Variants in SMC6 observed in about 807,000 individuals in gnomAD.
SMC6 encodes structural maintenance of chromosomes protein 6.
Under a neutral mutation model 142.2 loss-of-function variants are expected in SMC6, and 79 were observed. The observed-to-expected ratio is 0.56, with a 90% CI of 0.46 to 0.67. The LOEUF is 0.67. SMC6 is among the 30% of genes least tolerant of loss of function. The pLI, the probability that SMC6 is intolerant of heterozygous loss-of-function variation, is 0.00. For missense variants in SMC6, 1,072 were observed against 1,284.0 expected (o/e 0.83, Z 2.52); for synonymous variants, 411 against 412.4 (o/e 1.00, Z 0.04).
rs376284298 is a variant in SMC6 at position 17,745,858 on chromosome 2, C to T, written c.89G>A (p.Gly30Asp). The T allele has an allele frequency of 6.2e-7, 1 of 1,612,024 alleles. No homozygotes were observed. Among genetic ancestry groups the T allele is most frequent in the African/African-American group, 1.3e-5 (1 of 74,830 alleles). Residue 30 changes from glycine to aspartate, a missense_variant, in exon 3 of 28, where the codon GGT (glycine) becomes GAT (aspartate). Gly to Asp is a moderately conservative substitution (Grantham distance 94, BLOSUM62 -1). Around this residue, in one of 3 missense-constraint regions of SMC6, gnomAD observed 994 missense variants for 1,153.2 expected, o/e 0.86. Transcript: ENST00000448223. ...AGTACCTTTACATTCGTCTTCGTCACCATCTTTATCAAAATCCTCCAATTC... is the reference window on the plus strand; with the variant it reads ...AGTACCTTTACATTCGTCTTCGTCATCATCTTTATCAAAATCCTCCAATTC... ...QEELEDFDKDGDEDECKGTTL... is the reference protein window; with the variant it reads ...QEELEDFDKDDDEDECKGTTL...
Position 17,716,831 on chromosome 2 carries a change from G to T in SMC6, c.1256C>A (p.Ala419Asp). The change falls in exon 14 of 28, where the codon GCC becomes GAC. Residue 419 changes from alanine to aspartate, a missense_variant. Around this residue, in one of 3 missense-constraint regions of SMC6, gnomAD observed 994 missense variants for 1,153.2 expected, o/e 0.86. Transcript: ENST00000448223. ...KISWLKERVK[A>D]FQNQENSVNQ... ...GACTGAATTTTCTTGATTTTGAAAGGCCTTTACTCTCTCTTTTAACCAAGA... is the reference window on the plus strand; with the variant it reads ...GACTGAATTTTCTTGATTTTGAAAGTCCTTTACTCTCTCTTTTAACCAAGA... 6.2e-7 allele frequency: 1 copy of T among 1,613,228 alleles called. No homozygotes were observed. The highest frequency in any genetic ancestry group is 8.5e-7 in the Non-Finnish European group (1 of 1,179,652).
intron 7 of SMC6, among the ~76,000 whole-genome samples, 155 bp downstream of exon 7, chr2:17,730,923 A>T (rs1347448094): frequency 6.6e-6 from 1 of 151,996 alleles, no homozygotes; most frequent in Non-Finnish European, 1.5e-5. Flanking sequence ...CGAATTAGTA[A>T]ATTTTAAACA....
intron 9 of SMC6, among the ~76,000 whole-genome samples, chr2:17,722,686 C>CG (rs1669432655): frequency 1.3e-5 from 2 of 152,142 alleles, no homozygotes; most frequent in South Asian, 4.1e-4. Context: ...CATGTAGTGT[C>CG]GGACCACATG....
intron 11 of SMC6, 127 bp from the exon 12 acceptor site, chr2:17,718,350 TA>T: frequency 1.9e-6 from 1 of 534,688 alleles, no homozygotes. Flanking sequence ...CAAATAAACA[TA>T]ACATAACATT....
At chr2:17,739,261 C>T (rs570715774) in intron 4 of SMC6, among the ~76,000 whole-genome samples, 6 of 152,050 alleles carry the variant, frequency 3.9e-5, no homozygotes, top group East Asian at 3.9e-4. Flanking sequence ...GTAATCCCAG[C>T]GTTTTGGGAG....
At chr2:17,713,384 C>T (rs1378465336) in intron 16 of SMC6, 1 of 444,914 alleles carries the variant, frequency 2.2e-6, no homozygotes, top group Non-Finnish European at 4.6e-6. Flanking sequence ...CATAAACTCA[C>T]CTACTTCCAA....
chr2:17,688,437 T>C (rs995675566), intron 23 of SMC6, among the ~76,000 whole-genome samples: 3 of 151,966 alleles, frequency 2.0e-5, no homozygotes, highest in Non-Finnish European at 2.9e-5. Context: ...CAGTGGCTCA[T>C]GCCTGTAATC....
intron 26 of SMC6, among the ~76,000 whole-genome samples, chr2:17,669,170 T>C (rs1355312297): frequency 1.3e-5 from 2 of 152,050 alleles, no homozygotes; most frequent in African/African-American, 4.8e-5. Context: ...ATGTCAAAGG[T>C]AGGTGACTGC....
intron 27 of SMC6, 85 bp downstream of exon 27, chr2:17,666,335 T>C: frequency 1.0e-6 from 1 of 971,686 alleles, no homozygotes; most frequent in Non-Finnish European, 1.6e-6. Flanking sequence ...TTGTATGTAT[T>C]TGTATTTTAA....
At position 17,716,787 on chromosome 2, in the gene SMC6, A is replaced by G; in HGVS notation, c.1300T>C (p.Phe434Leu). The G allele has an allele frequency of 6.2e-7, 1 of 1,613,438 alleles. No homozygotes were observed. The highest frequency in any genetic ancestry group is 8.5e-7 in the Non-Finnish European group (1 of 1,179,754). Residue 434 changes from phenylalanine to leucine, a missense_variant, in exon 14 of 28, where the codon TTT becomes CTT. Phe to Leu is a conservative substitution (Grantham distance 22). Transcript: ENST00000448223. ...ENSVNQEIEQ[F>L]QQAIEKDKEE... The stretch of plus-strand genomic sequence containing the variant: ...TTGTCCTTTTCTATGGCTTGCTGAA[A>G]CTGTTCGATCTCTTGATTGACTGAA...
intron 5 of SMC6, among the ~76,000 whole-genome samples, chr2:17,736,694 G>A (rs1163901607): frequency 6.7e-6 from 1 of 150,298 alleles, no homozygotes; most frequent in Non-Finnish European, 1.5e-5. Flanking sequence ...TCGAGGCCAG[G>A]CCCCTTCGCT....
At chr2:17,679,035 T>A in intron 24 of SMC6, 71 bp from the exon 25 acceptor site, 1 of 1,014,918 alleles carries the variant, frequency 9.9e-7, no homozygotes, top group Non-Finnish European at 1.5e-6. Context: ...CAGCATGATC[T>A]AAGCATGTGA....
intron 16 of SMC6, among the ~76,000 whole-genome samples, chr2:17,709,694 A>C (rs1412652476): frequency 1.3e-5 from 2 of 152,132 alleles, no homozygotes; most frequent in Non-Finnish European, 2.9e-5. Context: ...TGGAGCTTAC[A>C]TTTTTTTGAA....
intron 4 of SMC6, among the ~76,000 whole-genome samples, chr2:17,738,966 T>C (rs75036659): frequency 6.6e-6 from 1 of 151,970 alleles, no homozygotes; most frequent in South Asian, 2.1e-4. Flanking sequence ...ACTGTTAACA[T>C]CCCTCAAAAG....
At chr2:17,699,590 T>C (rs1021366462) in intron 21 of SMC6, among the ~76,000 whole-genome samples, 1 of 152,168 alleles carries the variant, frequency 6.6e-6, no homozygotes, top group Non-Finnish European at 1.5e-5. Flanking sequence ...ATGTCAGCTA[T>C]TCTGTTATAG....
chr2:17,693,677 T>C (rs752027609), intron 23 of SMC6, among the ~76,000 whole-genome samples: 22 of 151,430 alleles, frequency 1.5e-4, no homozygotes, highest in Middle Eastern at 6.8e-3. Flanking sequence ...ACCCTAAAAG[T>C]ATAATAATAA....
chr2:17,708,656 T>C lies in SMC6; in HGVS notation c.1828A>G (p.Thr610Ala), dbSNP rs755602821. ...NSLIDMRGIE[T>A]VLLIKNNSVA... ...GGTCTTACTTTGATTAGTAGCACTGTCTCTATGCCTCTCATGTCAATTAGG... is the reference window on the plus strand; with the variant it reads ...GGTCTTACTTTGATTAGTAGCACTGCCTCTATGCCTCTCATGTCAATTAGG... Residue 610 changes from threonine to alanine, a missense_variant, in exon 17 of 28, where the codon ACA becomes GCA. Around this residue, in one of 3 missense-constraint regions of SMC6, gnomAD observed 994 missense variants for 1,153.2 expected, o/e 0.86. Coordinates refer to ENST00000448223, the MANE Select transcript of SMC6 (RefSeq NM_001142286.2). 1.3e-6 allele frequency: 2 copies of C among 1,517,544 alleles called. No homozygotes were observed. Among genetic ancestry groups the C allele is most frequent in the Non-Finnish European group, 1.8e-6 (2 of 1,128,822 alleles). 94.0% of individuals were successfully genotyped at this position (1,517,544 alleles called of 1,614,324 possible). A position where few individuals can be genotyped will look rare whatever the true frequency, so the allele number is the denominator to read the frequency against.
intron 11 of SMC6, among the ~76,000 whole-genome samples, 194 bp downstream of exon 11, chr2:17,720,746 G>C (rs1459137802): frequency 6.6e-6 from 1 of 152,122 alleles, no homozygotes; most frequent in South Asian, 2.1e-4. Flanking sequence ...ATCAAGGATA[G>C]AGTACTCTTT....
chr2:17,692,576 C>A (rs554910759), intron 23 of SMC6, among the ~76,000 whole-genome samples: 9 of 152,218 alleles, frequency 5.9e-5, no homozygotes, highest in Admixed American at 2.0e-4. Flanking sequence ...TAAAGACTTA[C>A]ATGTTAGACC....
Sources: gnomAD v4.1 joint callset for allele counts (sites outside exome capture counted in the v4.1 genomes callset) on GRCh38, gnomAD v4.1.1 for gene constraint, gnomAD v4.1.1 regional missense constraint, MANE v1.5 for transcripts, NCBI Gene and HGNC (gene_info 2026-07-23, HGNC 2026-07-21) for gene names.